The following NPAS3 variants were observed in gnomAD, a reference collection of about 807,000 sequenced individuals.
NPAS3 encodes the protein neuronal PAS domain protein 3.
A neutral mutation model predicts 73.1 loss-of-function variants in NPAS3; 14 were observed. The ratio of observed to expected loss-of-function variants is 0.19; its 90% CI spans 0.13 to 0.30. The LOEUF (loss-of-function observed/expected upper bound fraction) is 0.30. NPAS3 is among the 10% of genes least tolerant of loss of function. The probability of loss-of-function intolerance (pLI) is 1.00; values close to 1 mark genes in which losing one functional copy is unlikely to be tolerated. For missense variants in NPAS3, 1,096 were observed against 1,250.0 expected (o/e 0.88, Z 1.86); for synonymous variants, 620 against 541.5 (o/e 1.14, Z -2.01).
chr14:33,056,704 A>G (rs1370383179), intron 2 of NPAS3, among the ~76,000 whole-genome samples: 1 of 152,206 alleles, frequency 6.6e-6, no homozygotes, highest in Non-Finnish European at 1.5e-5. Context: ...TGCTGTGAAG[A>G]AAGTTTTCTT....
chr14:33,493,088 G>A (rs369418107), intron 4 of NPAS3, among the ~76,000 whole-genome samples: 15 of 152,220 alleles, frequency 9.9e-5, no homozygotes, highest in African/African-American at 3.4e-4. Context: ...AGCTTTGTGC[G>A]CAAAAACCAT....
chr14:33,308,025 A>G (rs957942508), intron 3 of NPAS3, among the ~76,000 whole-genome samples: 1 of 152,112 alleles, frequency 6.6e-6, no homozygotes, highest in Non-Finnish European at 1.5e-5. Context: ...CCTGTACGCA[A>G]TCACATTTGC....
chr14:33,792,273 C>T (rs2063380251), intron 9 of NPAS3, among the ~76,000 whole-genome samples: 1 of 151,854 alleles, frequency 6.6e-6, no homozygotes, highest in African/African-American at 2.4e-5. Context: ...CTTCAAAACA[C>T]CCTAAACTGG....
chr14:33,259,000 A>G (rs546119337), intron 3 of NPAS3, among the ~76,000 whole-genome samples: 2 of 152,250 alleles, frequency 1.3e-5, no homozygotes, highest in East Asian at 3.9e-4. Context: ...TTTTTAGTAG[A>G]GACGAGGTTT....
intron 1 of NPAS3, among the ~76,000 whole-genome samples, chr14:33,010,658 A>G (rs1172562325): frequency 6.6e-6 from 1 of 152,170 alleles, no homozygotes; most frequent in African/African-American, 2.4e-5. Flanking sequence ...TCTAATATTA[A>G]ACATTGAAGT....
At chr14:33,681,377 C>A (rs1286587852) in intron 6 of NPAS3, among the ~76,000 whole-genome samples, 1 of 152,126 alleles carries the variant, frequency 6.6e-6, no homozygotes, top group Non-Finnish European at 1.5e-5. Flanking sequence ...CTTACTAACC[C>A]CACATCCAAC....
chr14:33,198,305 GC>G (rs2046462614), intron 2 of NPAS3, among the ~76,000 whole-genome samples: 1 of 152,110 alleles, frequency 6.6e-6, no homozygotes, highest in Admixed American at 6.5e-5. Context: ...CCCTTATCTG[GC>G]CCCACCCACA....
chr14:33,121,406 TTTTG>T (rs1196606711), intron 2 of NPAS3, among the ~76,000 whole-genome samples: 3 of 152,222 alleles, frequency 2.0e-5, no homozygotes, highest in African/African-American at 7.2e-5. Context: ...TGACACTATA[TTTTG>T]TTTATTTATT....
intron 2 of NPAS3, among the ~76,000 whole-genome samples, chr14:33,213,387 C>A (rs1163518396): frequency 1.3e-5 from 2 of 152,186 alleles, no homozygotes; most frequent in Admixed American, 6.5e-5. Context: ...TTTCTTTTGG[C>A]ACAGCTAACT....
intron 1 of NPAS3, among the ~76,000 whole-genome samples, chr14:33,014,344 G>T (rs1375599975): frequency 2.0e-5 from 3 of 152,112 alleles, no homozygotes; most frequent in East Asian, 3.9e-4. Flanking sequence ...ATAAATAATT[G>T]TGGAGAAATA....
chr14:33,733,268 C>T, intron 6 of NPAS3, among the ~76,000 whole-genome samples: 1 of 150,970 alleles, frequency 6.6e-6, no homozygotes, highest in Non-Finnish European at 1.5e-5. Flanking sequence ...AAAAAAACTG[C>T]TATAAATTAA....
chr14:33,649,375 C>T (rs2058924802), intron 5 of NPAS3, among the ~76,000 whole-genome samples: 1 of 152,224 alleles, frequency 6.6e-6, no homozygotes, highest in Middle Eastern at 3.2e-3. Context: ...AGCATAGTTA[C>T]ACCATCGAGG....
chr14:33,057,769 T>C (rs985858675), intron 2 of NPAS3, among the ~76,000 whole-genome samples: 6 of 152,164 alleles, frequency 3.9e-5, no homozygotes, highest in Non-Finnish European at 5.9e-5. Flanking sequence ...CAAGGAAATA[T>C]TGGCAAATAA....
chr14:33,449,414 A>G lies in NPAS3; in HGVS notation c.468+82146A>G, dbSNP rs76407301. On this transcript the variant is annotated intron_variant, in intron 4 of 11. Coordinates refer to ENST00000356141, the Ensembl canonical transcript of NPAS3. ...GTGTTGTCATGGCTGCTTTCACACT[A>G]CCACAGCTGAACTGAGTAGTTGCAA... 6.8e-3 allele frequency among the ~76,000 whole-genome samples: 1,041 copies of G among 152,256 alleles called. 3 individuals carry two copies. Among genetic ancestry groups the G allele is most frequent in the African/African-American group, 0.023 (938 of 41,540 alleles).
intron 3 of NPAS3, among the ~76,000 whole-genome samples, chr14:33,287,515 ACCTACT>A (rs1211000361): frequency 2.0e-5 from 3 of 152,256 alleles, no homozygotes; most frequent in East Asian, 3.9e-4. Flanking sequence ...GGCTGCTGTT[ACCTACT>A]CCATGCCCTC....
intron 4 of NPAS3, among the ~76,000 whole-genome samples, chr14:33,367,567 C>T (rs1040242432): frequency 6.7e-6 from 1 of 149,830 alleles, no homozygotes; most frequent in Non-Finnish European, 1.5e-5. Flanking sequence ...TGGTTGTGTG[C>T]GTGCTGTATT....
intron 5 of NPAS3, among the ~76,000 whole-genome samples, chr14:33,659,041 GT>G (rs1567097588): frequency 6.6e-6 from 1 of 152,018 alleles, no homozygotes; most frequent in African/African-American, 2.4e-5. Context: ...TTTCAATGCC[GT>G]TTTTTCACTT....
At chr14:33,547,734 C>T (rs900134053) in intron 4 of NPAS3, among the ~76,000 whole-genome samples, 63 of 152,150 alleles carry the variant, frequency 4.1e-4, no homozygotes, top group African/African-American at 1.4e-3. Flanking sequence ...TGTGCACTGT[C>T]GTTTTCCAGG....
chr14:33,582,668 A>G (rs1413722047), intron 5 of NPAS3, among the ~76,000 whole-genome samples: 3 of 152,206 alleles, frequency 2.0e-5, no homozygotes, highest in African/African-American at 7.2e-5. Flanking sequence ...TACCTTTCAA[A>G]TGTTCAAGAT....
Sources: gnomAD v4.1 joint callset for allele counts (sites outside exome capture counted in the v4.1 genomes callset) on GRCh38, gnomAD v4.1.1 for gene constraint, MANE v1.5 for transcripts, NCBI Gene and HGNC (gene_info 2026-07-23, HGNC 2026-07-21) for gene names.